Variants in NSD2 observed in about 807,000 individuals in gnomAD.
The protein encoded by NSD2 is histone-lysine N-methyltransferase NSD2.
Under a neutral mutation model 139.0 loss-of-function variants are expected in NSD2, and 12 were observed. The observed-to-expected ratio is 0.09, with a 90% CI of 0.06 to 0.14. NSD2 has a LOEUF of 0.14. NSD2 is among the 10% of genes least tolerant of loss of function. NSD2 has a pLI of 1.00. For missense variants in NSD2, 1,155 were observed against 1,745.0 expected (o/e 0.66, Z 6.02); for synonymous variants, 669 against 648.7 (o/e 1.03, Z -0.48).
intron 5 of NSD2, among the ~76,000 whole-genome samples, chr4:1,927,066 C>G (rs938773133): frequency 3.3e-5 from 5 of 152,182 alleles, no homozygotes; most frequent in Admixed American, 2.0e-4. Flanking sequence ...TAAGGCTTGA[C>G]TGATGCTGGA....
intron 5 of NSD2, chr4:1,918,888 C>A: frequency 2.9e-6 from 1 of 342,366 alleles, no homozygotes; most frequent in Non-Finnish European, 5.2e-6. Flanking sequence ...TGGCTCATGC[C>A]TGTAATTTCA....
Position 1,953,500 on chromosome 4 carries a change from C to G in NSD2, c.2314C>G (p.Pro772Ala). ...HSCVSCHASN[P>A]SNPRPSKGKM... ...CTGTGTGAGCTGCCATGCTTCCAAC[C>G]CTTCAAACCCAAGGCCGTCAAAAGG... The change falls in exon 12 of 22, where the codon CCT (proline) becomes GCT (alanine). Residue 772 changes from proline to alanine, a missense_variant. Coordinates refer to ENST00000508803, the MANE Select transcript of NSD2 (RefSeq NM_001042424.3). 6.2e-7 allele frequency: 1 copy of G among 1,612,738 alleles called. No homozygotes were observed. Among genetic ancestry groups the G allele is most frequent in the East Asian group, 2.2e-5 (1 of 44,860 alleles).
Position 1,950,953 on chromosome 4 carries a change from A to G in NSD2, c.1882-119A>G, listed in dbSNP as rs999816656. ...ACTGTGAAATCACTGGCGGTACAGG[A>G]CCAGTGCTGAGAAAGACTGGTGGGT... On this transcript the variant is annotated intron_variant, in intron 9 of 21. Transcript: ENST00000508803. The G allele has an allele frequency of 4.5e-6, 6 of 1,334,762 alleles. No individual in the cohort carries two copies. The African/African-American group carries it at 8.7e-5, about 19-fold the overall frequency. The allele number at this position is 1,334,762 out of a possible 1,614,324, so 82.7% of individuals were successfully genotyped here. A position where few individuals can be genotyped will look rare whatever the true frequency, so the allele number is the denominator to read the frequency against.
At position 1,951,283 on chromosome 4, in the gene NSD2, T is replaced by G. The variant is rs565355126; in HGVS notation, c.2013+80T>G. The G allele has an allele frequency of 2.2e-4, 353 of 1,579,772 alleles. 1 individual carries two copies. In the African/African-American group the frequency reaches 4.4e-3, roughly 20 times the overall value. On this transcript the variant is annotated intron_variant, in intron 10 of 21. Coordinates refer to ENST00000508803, the MANE Select transcript of NSD2 (RefSeq NM_001042424.3). ...GTACGCAGAGCGAATTTGTAGTGTCTTTTCCCTTCCCACCAGACCCCTTCC... is the reference window on the plus strand; with the variant it reads ...GTACGCAGAGCGAATTTGTAGTGTCGTTTCCCTTCCCACCAGACCCCTTCC...
chr4:1,974,847 TC>T lies in NSD2; in HGVS notation c.3373-15del. On this transcript the variant is annotated splice_polypyrimidine_tract_variant and intron_variant, in intron 18 of 21. Coordinates refer to ENST00000508803, the MANE Select transcript of NSD2 (RefSeq NM_001042424.3). This position sits in a 1 kb window ranked among gnomAD's most constrained non-coding sequence, Gnocchi z 4.0. ...GATTGCTAACACTTGACCGAATATA[TC>T]ACTTGACCTTACAGGACCGTATAAT... The T allele has an allele frequency of 1.2e-6, 2 of 1,613,940 alleles. No homozygotes were observed. Among genetic ancestry groups the T allele is most frequent in the South Asian group, 2.2e-5 (2 of 91,074 alleles).
chr4:1,901,842 A>C (rs958960901), intron 2 of NSD2, among the ~76,000 whole-genome samples: 1 of 152,202 alleles, frequency 6.6e-6, no homozygotes, highest in African/African-American at 2.4e-5. Flanking sequence ...CTTGGTTCCC[A>C]GTGCAGAGCC....
chr4:1,940,754 C>A, intron 9 of NSD2: 1 of 1,060,502 alleles, frequency 9.4e-7, no homozygotes, highest in Non-Finnish European at 1.1e-6. Flanking sequence ...CTGGCCAGGT[C>A]TCTGCCATGG....
chr4:1,915,043 AT>A (rs1560630004), intron 3 of NSD2, among the ~76,000 whole-genome samples: 1 of 142,814 alleles, frequency 7.0e-6, no homozygotes, highest in African/African-American at 2.6e-5. Context: ...TTTCATCTTA[AT>A]TTTTTTCTTC....
chr4:1,888,901 AT>A (rs775054313), intron 1 of NSD2, among the ~76,000 whole-genome samples: 5,149 of 118,770 alleles, frequency 0.043, 244 homozygotes, highest in African/African-American at 0.14. Context: ...GTATATTAGT[AT>A]TTTTTTTTTT....
intron 1 of NSD2, among the ~76,000 whole-genome samples, chr4:1,896,845 C>G (rs1049817932): frequency 7.2e-6 from 1 of 139,380 alleles, no homozygotes; most frequent in Non-Finnish European, 1.6e-5. Context: ...CTTCTCTTTT[C>G]TTTTCTTTCT....
intron 3 of NSD2, among the ~76,000 whole-genome samples, chr4:1,911,881 T>C (rs923956712): frequency 1.5e-4 from 23 of 152,290 alleles, no homozygotes; most frequent in African/African-American, 5.5e-4. Context: ...TCTTCTGCTT[T>C]TTTTCCCACC....
chr4:1,888,332 G>A (rs989432059), intron 1 of NSD2, among the ~76,000 whole-genome samples: 1 of 138,626 alleles, frequency 7.2e-6, no homozygotes, highest in Admixed American at 8.0e-5. Context: ...AGAATTGCCT[G>A]AACCTGGGAG....
At chr4:1,947,049 G>A in intron 9 of NSD2, 1 of 1,064,046 alleles carries the variant, frequency 9.4e-7, no homozygotes, top group Non-Finnish European at 1.1e-6. Context: ...GCTGATGGGG[G>A]TTTGCTCAGC....
At chr4:1,922,396 A>G (rs1308553949) in intron 5 of NSD2, among the ~76,000 whole-genome samples, 1 of 152,274 alleles carries the variant, frequency 6.6e-6, no homozygotes. Context: ...GTAACTTTAG[A>G]GAAAAATAAC....
chr4:1,890,760 G>A (rs547758630), intron 1 of NSD2, among the ~76,000 whole-genome samples: 1 of 151,562 alleles, frequency 6.6e-6, no homozygotes, highest in Non-Finnish European at 1.5e-5. Context: ...CACCACGCTT[G>A]GCTAATTTTC....
At chr4:1,960,710 C>T (rs1725278752) in intron 17 of NSD2, among the ~76,000 whole-genome samples, 1 of 152,206 alleles carries the variant, frequency 6.6e-6, no homozygotes, top group South Asian at 2.1e-4. Flanking sequence ...GCCATTTTCT[C>T]TGTTGTGGGG....
intron 1 of NSD2, among the ~76,000 whole-genome samples, chr4:1,887,951 T>C (rs1296738950): frequency 6.6e-6 from 1 of 152,084 alleles, no homozygotes; most frequent in Non-Finnish European, 1.5e-5. Context: ...CCCAGAGCTG[T>C]CTTCCTGCTC....
intron 3 of NSD2, among the ~76,000 whole-genome samples, chr4:1,906,474 C>T (rs1002152658): frequency 9.9e-5 from 15 of 151,728 alleles, no homozygotes; most frequent in African/African-American, 3.6e-4. Flanking sequence ...TCCTGGGCCC[C>T]AGTGATCCGC....
intron 9 of NSD2, chr4:1,944,642 T>C (rs926597770): frequency 2.8e-6 from 3 of 1,062,830 alleles, no homozygotes; most frequent in Non-Finnish European, 3.4e-6. Context: ...AGTACTCCAT[T>C]GTAATAGGGT....
Sources: allele counts gnomAD v4.1 joint callset (sites outside exome capture counted in the v4.1 genomes callset), GRCh38; gene constraint gnomAD v4.1.1; non-coding constraint Gnocchi (gnomAD v3.1); transcripts MANE v1.5; gene names NCBI Gene and HGNC (gene_info 2026-07-23, HGNC 2026-07-21).